AGO2: variants seen among roughly 807,000 people sequenced by gnomAD.
AGO2 encodes the protein protein argonaute-2.
Under a neutral mutation model 102.3 loss-of-function variants are expected in AGO2, and 5 were observed. That is an observed-to-expected ratio of 0.05 (90% confidence interval 0.03 to 0.10). The LOEUF is 0.10. AGO2 is among the 10% of genes least tolerant of loss of function. The pLI is 1.00. For missense variants in AGO2, 541 were observed against 1,183.7 expected, an observed-to-expected ratio of 0.46 and a Z score of 7.97; for synonymous variants, 449 against 473.1, an observed-to-expected ratio of 0.95 and a Z score of 0.66.
At chr8:140,632,413 A>G (rs887964592) in intron 1 of AGO2, among the ~76,000 whole-genome samples, 2 of 152,160 alleles carry the variant, frequency 1.3e-5, no homozygotes, top group African/African-American at 4.8e-5. Flanking sequence ...GAAGGGGGAG[A>G]GGGGGCAGGA....
chr8:140,535,330 TC>T, intron 17 of AGO2, 137 bp downstream of exon 17: 1 of 845,296 alleles, frequency 1.2e-6, no homozygotes, highest in Non-Finnish European at 1.9e-6. Flanking sequence ...CAGCCTGGGC[TC>T]CCCGGTTCCC....
rs553903703 is a variant in AGO2 at position 140,572,720 on chromosome 8, C to T, written c.336+92G>A. ...TCTCTCCTCCTCAGTGAAATAGTTT[C>T]GTGTATGAGAACAGGCATGACAGAC... On this transcript the variant is annotated intron_variant, in intron 3 of 18. Transcript: ENST00000220592. 18 of 1,498,576 alleles carry T rather than the reference C, an allele frequency of 1.2e-5. No individual in the cohort carries two copies. In the East Asian group the frequency reaches 3.6e-4, roughly 30 times the overall value. The allele number at this position is 1,498,576 out of a possible 1,614,324, so 92.8% of individuals were successfully genotyped here.
chr8:140,593,572 C>A (rs1042993525), intron 1 of AGO2, among the ~76,000 whole-genome samples: 1 of 128,122 alleles, frequency 7.8e-6, no homozygotes, highest in African/African-American at 2.9e-5. Flanking sequence ...AAAAAAAAAA[C>A]TTTGTGCCCT....
chr8:140,605,662 C>T (rs533789634), intron 1 of AGO2: 2 of 152,344 alleles, frequency 1.3e-5, no homozygotes, highest in East Asian at 1.9e-4. Context: ...AGACCCCACC[C>T]GCTGGTCCAG....
At chr8:140,546,409 G>A (rs558887652) in intron 13 of AGO2, among the ~76,000 whole-genome samples, 2 of 152,336 alleles carry the variant, frequency 1.3e-5, no homozygotes, top group Admixed American at 6.5e-5. Context: ...AGGACACTCG[G>A]GAACGAGCCC....
Position 140,533,196 on chromosome 8 carries a change from T to C in AGO2, c.2272-581A>G, listed in dbSNP as rs542096913. ...CAAGGTCAGGAGATCGAGACCATCCTGGCTAACACGGTGAAACCCTGTCTC... is the reference window on the plus strand; with the variant it reads ...CAAGGTCAGGAGATCGAGACCATCCCGGCTAACACGGTGAAACCCTGTCTC... On this transcript the variant is annotated intron_variant, in intron 17 of 18. Coordinates refer to ENST00000220592, the MANE Select transcript of AGO2 (RefSeq NM_012154.5). Among the ~76,000 whole-genome samples, 1,030 of 150,104 alleles carry C rather than the reference T, an allele frequency of 6.9e-3. 7 individuals carry two copies. Among genetic ancestry groups the C allele is most frequent in the Middle Eastern group, 0.032 (9 of 280 alleles).
Position 140,556,151 on chromosome 8 carries a change from C to G in AGO2, c.1146+16G>C, listed in dbSNP as rs775781068. ...CTGGATTCCACAGGGCAGCCCTGCCCGGGACTGACACTCACCAATTTGCTA... is the reference window on the plus strand; with the variant it reads ...CTGGATTCCACAGGGCAGCCCTGCCGGGGACTGACACTCACCAATTTGCTA... On this transcript the variant is annotated intron_variant, in intron 9 of 18. Coordinates refer to ENST00000220592, the MANE Select transcript of AGO2 (RefSeq NM_012154.5). The G allele has an allele frequency of 1.9e-6, 3 of 1,614,022 alleles. No homozygotes were observed. Among genetic ancestry groups the G allele is most frequent in the Admixed American group, 3.3e-5 (2 of 60,022 alleles).
In AGO2 at chr8:140,557,769, T is replaced by A. The variant is rs1265832349; in HGVS notation, c.879-533A>T. ...GTGGGGATGAGGGCACGGGGGCTGCTAGTGCAGGGCAAAGGGCCACGTGGC... is the reference window on the plus strand; with the variant it reads ...GTGGGGATGAGGGCACGGGGGCTGCAAGTGCAGGGCAAAGGGCCACGTGGC... On this transcript the variant is annotated intron_variant, in intron 7 of 18. Transcript: ENST00000220592. This position sits in a 1 kb window ranked among gnomAD's most constrained non-coding sequence, Gnocchi z 5.9. 2.6e-5 allele frequency among the ~76,000 whole-genome samples: 4 copies of A among 152,134 alleles called. No individual in the cohort carries two copies. The highest frequency in any genetic ancestry group is 9.7e-5 in the African/African-American group (4 of 41,420).
intron 1 of AGO2, among the ~76,000 whole-genome samples, chr8:140,597,487 C>CCG: frequency 7.5e-6 from 1 of 134,086 alleles, no homozygotes; most frequent in East Asian, 2.1e-4. Flanking sequence ...CCCCCCCCCC[C>CCG]GCCCCAGGCC....
rs764154303 is a variant in AGO2, at chr8:140,560,473, C to T, written c.556G>A (p.Glu186Lys). Residue 186 changes from glutamate to lysine, a missense_variant, in exon 5 of 19, where the codon GAA becomes AAA. Coordinates refer to ENST00000220592, the MANE Select transcript of AGO2 (RefSeq NM_012154.5). ...PVGRSFFTAS[E>K]GCSNPLGGGR... ...CCGCCAAGAGGGTTAGAGCAGCCTT[C>T]GGACGCGGTGAAGAAGGAGCGGCCC... The T allele has an allele frequency of 6.4e-5, 104 of 1,614,090 alleles. No individual in the cohort carries two copies. Among genetic ancestry groups the T allele is most frequent in the South Asian group, 1.1e-5 (1 of 91,084 alleles).
intron 1 of AGO2, among the ~76,000 whole-genome samples, chr8:140,634,590 G>A (rs1237066059): frequency 6.6e-6 from 1 of 152,252 alleles, no homozygotes; most frequent in Non-Finnish European, 1.5e-5. Flanking sequence ...CTTCTACTCT[G>A]CATTTAAAAA....
intron 1 of AGO2, among the ~76,000 whole-genome samples, chr8:140,633,339 C>T (rs2074364663): frequency 6.6e-6 from 1 of 152,172 alleles, no homozygotes; most frequent in Admixed American, 6.5e-5. Context: ...ATAATTACAG[C>T]ACGTTTGTAC....
intron 16 of AGO2, among the ~76,000 whole-genome samples, chr8:140,536,961 G>C (rs1257659448): frequency 6.6e-6 from 1 of 152,200 alleles, no homozygotes; most frequent in Non-Finnish European, 1.5e-5. Flanking sequence ...TGAATCTACA[G>C]ACGGCACTGT....
At chr8:140,636,631 C>CT (rs1178829241), upstream of AGO2, 1 of 152,182 alleles carries the variant, frequency 6.6e-6, no homozygotes, top group Admixed American at 6.5e-5. Flanking sequence ...CTGACAGGAG[C>CT]TCCGCAGCCA....
chr8:140,605,654 A>G (rs1012797935), intron 1 of AGO2: 1 of 151,974 alleles, frequency 6.6e-6, no homozygotes, highest in Non-Finnish European at 1.5e-5. Context: ...GCTGATGAAG[A>G]CCCCACCCGC....
intron 2 of AGO2, among the ~76,000 whole-genome samples, chr8:140,575,425 C>T (rs1485385715): frequency 6.6e-6 from 1 of 152,218 alleles, no homozygotes; most frequent in East Asian, 1.9e-4. Context: ...CATTCCTCTG[C>T]ACTCTCCAAA....
At chr8:140,571,832 G>A (rs180870821) in intron 3 of AGO2, among the ~76,000 whole-genome samples, 216 of 152,208 alleles carry the variant, frequency 1.4e-3, no homozygotes, top group African/African-American at 5.0e-3. Flanking sequence ...CATAACCTTC[G>A]CCTCCCAGGT....
rs1256711286 is a variant in AGO2, at chr8:140,540,151, C to T, written c.2035-697G>A. Among the ~76,000 whole-genome samples, 4 of 152,170 alleles carry T rather than the reference C, an allele frequency of 2.6e-5. No homozygotes were observed. The highest frequency in any genetic ancestry group is 5.9e-5 in the Non-Finnish European group (4 of 68,018). On this transcript the variant is annotated intron_variant, in intron 15 of 18. Coordinates refer to ENST00000220592, the MANE Select transcript of AGO2 (RefSeq NM_012154.5). The surrounding 1 kb of genome is among the most constrained non-coding windows in gnomAD (Gnocchi z 5.0). ...AAAACAAAGCAGCTCAGGCAGGCTC[C>T]AGCCAGAAGTGCTGGCCGGTCAAGG...
Position 140,558,336 on chromosome 8 carries a change from G to A in AGO2, c.878+149C>T. 1.1e-5 allele frequency: 9 copies of A among 786,480 alleles called. No individual in the cohort carries two copies. In the South Asian group the frequency reaches 1.3e-4, roughly 12 times the overall value. 48.7% of individuals were successfully genotyped at this position (786,480 alleles called of 1,614,324 possible). A position where few individuals can be genotyped will look rare whatever the true frequency, so the allele number is the denominator to read the frequency against. On this transcript the variant is annotated intron_variant, in intron 7 of 18. Transcript: ENST00000220592. Reference sequence around the variant, plus strand: ...TCTTAGGTGAAGTCTGGAATCTACTGAGCCATGTAAGGGACAATTTTGGGA... The same window carrying A: ...TCTTAGGTGAAGTCTGGAATCTACTAAGCCATGTAAGGGACAATTTTGGGA...
Sources: gnomAD v4.1 joint callset for allele counts (sites outside exome capture counted in the v4.1 genomes callset) on GRCh38, gnomAD v4.1.1 for gene constraint, Gnocchi (gnomAD v3.1) non-coding constraint, MANE v1.5 for transcripts, NCBI Gene and HGNC (gene_info 2026-07-23, HGNC 2026-07-21) for gene names.